BTAF1: variants seen among roughly 807,000 people sequenced by gnomAD.
BTAF1 encodes B-TFIID TATA-box binding protein associated factor 1, also known as TATA-binding protein-associated factor 172.
In BTAF1, 38 loss-of-function variants were observed where a neutral mutation model predicts 227.1. The observed-to-expected ratio is 0.17, with a 90% CI of 0.13 to 0.22. The LOEUF (loss-of-function observed/expected upper bound fraction) is 0.22. Ranked by LOEUF, BTAF1 falls within the 10% of genes least tolerant of loss-of-function variation. The pLI is 1.00. For missense variants in BTAF1, 1,598 were observed against 2,204.0 expected (o/e 0.73, Z 5.51); for synonymous variants, 742 against 751.9 (o/e 0.99, Z 0.21).
intron 17 of BTAF1, 41 bp from the exon 18 acceptor site, chr10:91,982,546 C>A (rs755140238): frequency 2.6e-6 from 4 of 1,539,286 alleles, no homozygotes; most frequent in South Asian, 1.3e-5. Context: ...AACTTTACTT[C>A]AAGTAATTTC....
At position 91,966,711 on chromosome 10, in the gene BTAF1, G is replaced by C; in HGVS notation, c.1604G>C (p.Arg535Thr). Reference protein sequence around the residue: ...FLHHTISSVRRAALETLFTLL... With the variant: ...FLHHTISSVRTAALETLFTLL... Reference sequence around the variant, plus strand: ...CATCACACTATATCATCAGTTCGAAGAGCAGCATTGGAAACTCTGTTTACG... The same window carrying C: ...CATCACACTATATCATCAGTTCGAACAGCAGCATTGGAAACTCTGTTTACG... The change falls in exon 14 of 38, where the codon AGA becomes ACA. Residue 535 changes from arginine to threonine, a missense_variant. By Grantham distance (71) the Arg-to-Thr change is moderately conservative. This residue lies in a region of BTAF1 where 318 missense variants were observed against 435.0 expected (regional missense o/e 0.73). Transcript: ENST00000265990. 1.2e-6 allele frequency: 2 copies of C among 1,613,998 alleles called. No individual in the cohort carries two copies. Among genetic ancestry groups the C allele is most frequent in the Non-Finnish European group, 1.7e-6 (2 of 1,179,928 alleles).
At chr10:91,947,480 G>C (rs1286334081) in intron 4 of BTAF1, among the ~76,000 whole-genome samples, 1 of 151,932 alleles carries the variant, frequency 6.6e-6, no homozygotes, top group Non-Finnish European at 1.5e-5. Context: ...CTTTCTCATT[G>C]AATTGCTCTG....
At chr10:91,925,853 C>T (rs959625724) in intron 1 of BTAF1, among the ~76,000 whole-genome samples, 2 of 152,210 alleles carry the variant, frequency 1.3e-5, no homozygotes, top group Admixed American at 1.3e-4. Flanking sequence ...TAATATTTCT[C>T]AATGACTGAG....
Position 92,027,233 on chromosome 10 carries a change from G to A in BTAF1, c.5339G>A (p.Ser1780Asn), listed in dbSNP as rs770557707. 6.8e-6 allele frequency: 11 copies of A among 1,613,908 alleles called. No homozygotes were observed. Among genetic ancestry groups the A allele is most frequent in the Non-Finnish European group, 9.3e-6 (11 of 1,179,952 alleles). Residue 1780 changes from serine (S) to asparagine (N), a missense_variant, in exon 37 of 38, where the codon AGC becomes AAC. By Grantham distance (46) the Ser-to-Asn change is conservative. This residue lies in a region of BTAF1 where 79 missense variants were observed against 97.9 expected (regional missense o/e 0.81). Coordinates refer to ENST00000265990, the MANE Select transcript of BTAF1 (RefSeq NM_003972.3). ...ATGAACATAGCGAATACTGTTATTA[G>A]CCAAGAGAATTCTAGTTTGCAGAGC... ...FKMNIANTVI[S>N]QENSSLQSMG...
chr10:91,939,104 C>T (rs1844834462), intron 2 of BTAF1, among the ~76,000 whole-genome samples: 1 of 151,622 alleles, frequency 6.6e-6, no homozygotes, highest in South Asian at 2.1e-4. Flanking sequence ...CTATTTAGAT[C>T]TTTAATTTCT....
At chr10:91,951,915 G>A (rs538951947) in intron 5 of BTAF1, among the ~76,000 whole-genome samples, 2 of 151,972 alleles carry the variant, frequency 1.3e-5, no homozygotes, top group African/African-American at 4.8e-5. Context: ...GGCTATTATA[G>A]TCAGATATGA....
chr10:92,024,658 A>T, intron 34 of BTAF1, 98 bp from the exon 35 acceptor site: 1 of 1,036,874 alleles, frequency 9.6e-7, no homozygotes, highest in Non-Finnish European at 1.4e-6. Flanking sequence ...TTTCAGGTAC[A>T]TTTAACCTTT....
intron 18 of BTAF1, among the ~76,000 whole-genome samples, chr10:91,982,968 C>A (rs1848169149): frequency 6.6e-6 from 1 of 152,196 alleles, no homozygotes; most frequent in South Asian, 2.1e-4. Context: ...ACTCATACTT[C>A]CAACTACTAG....
At chr10:91,986,831 G>C (rs1366248661) in intron 19 of BTAF1, among the ~76,000 whole-genome samples, 1 of 152,078 alleles carries the variant, frequency 6.6e-6, no homozygotes, top group Admixed American at 6.5e-5. Flanking sequence ...GAATCTCTGG[G>C]AGAGACTTTT....
intron 1 of BTAF1, among the ~76,000 whole-genome samples, chr10:91,928,024 G>T (rs1343452593): frequency 7.8e-6 from 1 of 128,044 alleles, no homozygotes. Context: ...TTTCACTATA[G>T]CTTTTTAATA....
At position 91,950,154 on chromosome 10, in the gene BTAF1, G is replaced by A. The variant is rs867454957; in HGVS notation, c.401-1249G>A. ...TGAGAGACCTTGTCCTTTGTGGGGGGGGGCGGGAAAGAAGACTAGGTTTTT... is the reference window on the plus strand; with the variant it reads ...TGAGAGACCTTGTCCTTTGTGGGGGAGGGCGGGAAAGAAGACTAGGTTTTT... On this transcript the variant is annotated intron_variant, in intron 4 of 37. Coordinates refer to ENST00000265990, the MANE Select transcript of BTAF1 (RefSeq NM_003972.3). Among the ~76,000 whole-genome samples the A allele has an allele frequency of 3.9e-4, 35 of 90,200 alleles. 3 individuals are homozygous for A. Among genetic ancestry groups the A allele is most frequent in the Admixed American group, 3.5e-3 (29 of 8,222 alleles). The allele number at this position is 90,200 out of a possible 152,430, so 59.2% of individuals were successfully genotyped here.
chr10:91,985,918 A>T (rs1047460755), intron 19 of BTAF1, among the ~76,000 whole-genome samples: 2 of 151,494 alleles, frequency 1.3e-5, no homozygotes, highest in African/African-American at 4.8e-5. Flanking sequence ...TTGCCTTTTG[A>T]TTCTCTTAAT....
At chr10:91,932,419 A>T (rs1844332870) in intron 1 of BTAF1, among the ~76,000 whole-genome samples, 1 of 152,232 alleles carries the variant, frequency 6.6e-6, no homozygotes, top group African/African-American at 2.4e-5. Context: ...AAAAAAGGTA[A>T]TATAAAATAT....
rs188143428 is a variant in BTAF1, at chr10:91,996,933, G to A, written c.3511+363G>A. On this transcript the variant is annotated intron_variant, in intron 24 of 37. Transcript: ENST00000265990. ...CAGGTATTCTATAGGTAGTCCCTAT[G>A]TTATAAACATTTTATGTTTTTAAAG... is the stretch of plus-strand genomic sequence containing the variant. The A allele has an allele frequency of 4.1e-5, 16 of 387,342 alleles. No individual in the cohort carries two copies. The Admixed American group carries it at 4.2e-4, about 10-fold the overall frequency. The allele number at this position is 387,342 out of a possible 1,614,324, so 24.0% of individuals were successfully genotyped here. A position where few individuals can be genotyped will look rare whatever the true frequency, so the allele number is the denominator to read the frequency against.
intron 18 of BTAF1, among the ~76,000 whole-genome samples, chr10:91,983,092 A>G (rs1589872662): frequency 6.6e-6 from 1 of 152,192 alleles, no homozygotes; most frequent in Non-Finnish European, 1.5e-5. Context: ...CCATTCCTCT[A>G]TATGTCACTC....
chr10:92,011,040 CTG>C (rs1850258098), intron 28 of BTAF1, 31 bp from the exon 29 acceptor site: 1 of 1,517,286 alleles, frequency 6.6e-7, no homozygotes, highest in Non-Finnish European at 9.0e-7. Context: ...TTCAGGGTCT[CTG>C]TTTTCTAATT....
chr10:91,986,809 G>A (rs936005139), intron 19 of BTAF1, among the ~76,000 whole-genome samples: 1 of 151,954 alleles, frequency 6.6e-6, no homozygotes, highest in Non-Finnish European at 1.5e-5. Flanking sequence ...TAGAAGATAA[G>A]CATAAATATC....
intron 15 of BTAF1, among the ~76,000 whole-genome samples, chr10:91,981,437 A>C (rs1480371299): frequency 6.6e-6 from 1 of 152,146 alleles, no homozygotes; most frequent in African/African-American, 2.4e-5. Flanking sequence ...TTTTAAAAAA[A>C]AACTTTCCTT....
At chr10:91,942,790 A>G (rs1303435209) in intron 4 of BTAF1, among the ~76,000 whole-genome samples, 1 of 152,222 alleles carries the variant, frequency 6.6e-6, no homozygotes, top group Admixed American at 6.5e-5. Flanking sequence ...GAATATGTGC[A>G]TCATTAGTTG....
Sources: allele counts gnomAD v4.1 joint callset (sites outside exome capture counted in the v4.1 genomes callset), GRCh38; gene constraint gnomAD v4.1.1; regional missense constraint gnomAD v4.1.1; transcripts MANE v1.5; gene names NCBI Gene and HGNC (gene_info 2026-07-23, HGNC 2026-07-21).